The following SLC15A5 variants were observed in gnomAD, a reference collection of about 807,000 sequenced individuals.
The protein encoded by SLC15A5 is solute carrier family 15 member 5.
Under a neutral mutation model 56.1 loss-of-function variants are expected in SLC15A5, and 58 were observed. The observed-to-expected ratio is 1.03, with a 90% CI of 0.84 to 1.29. The LOEUF (loss-of-function observed/expected upper bound fraction) is 1.29, where lower values mean the gene tolerates loss of function less well. Ranked by LOEUF, SLC15A5 falls within the 50% of genes most tolerant of loss-of-function variation. The pLI is 0.00. For synonymous variants in SLC15A5, 264 were observed against 250.5 expected, an observed-to-expected ratio of 1.05 and a Z score of -0.51; for missense variants, 681 against 672.1, an observed-to-expected ratio of 1.01 and a Z score of -0.15.
intron 3 of SLC15A5, among the ~76,000 whole-genome samples, chr12:16,256,641 C>T (rs1426528162): frequency 1.3e-5 from 2 of 152,086 alleles, no homozygotes; most frequent in African/African-American, 4.8e-5. Context: ...GGACAGATCA[C>T]GAGGTCAGGA....
intron 3 of SLC15A5, among the ~76,000 whole-genome samples, chr12:16,257,478 T>G (rs2136807237): frequency 6.6e-6 from 1 of 152,292 alleles, no homozygotes; most frequent in Admixed American, 6.5e-5. Flanking sequence ...ACCTCTCAAC[T>G]TTTCATTGGG....
At chr12:16,248,084 C>A (rs1418033828) in intron 3 of SLC15A5, among the ~76,000 whole-genome samples, 1 of 151,916 alleles carries the variant, frequency 6.6e-6, no homozygotes, top group African/African-American at 2.4e-5. Context: ...CTACTTTTTT[C>A]CCCCTTAAAC....
At chr12:16,201,750 CT>C (rs1464332845) in intron 7 of SLC15A5, among the ~76,000 whole-genome samples, 3 of 152,260 alleles carry the variant, frequency 2.0e-5, no homozygotes, top group East Asian at 3.9e-4. Context: ...TTCCTGAGGC[CT>C]CCCCAGCCAT....
At chr12:16,238,586 C>T (rs1031727769) in intron 5 of SLC15A5, among the ~76,000 whole-genome samples, 4 of 147,040 alleles carry the variant, frequency 2.7e-5, no homozygotes, top group South Asian at 2.2e-4. Context: ...GCCGAGATAG[C>T]GCCACTGCAC....
At chr12:16,249,503 A>G (rs1347970463) in intron 3 of SLC15A5, among the ~76,000 whole-genome samples, 1 of 152,106 alleles carries the variant, frequency 6.6e-6, no homozygotes, top group Non-Finnish European at 1.5e-5. Flanking sequence ...GTGTAAAGTC[A>G]GCCACTTGAG....
intron 7 of SLC15A5, among the ~76,000 whole-genome samples, chr12:16,214,470 C>G (rs911063039): frequency 2.0e-5 from 3 of 152,186 alleles, no homozygotes; most frequent in African/African-American, 7.2e-5. Flanking sequence ...AGACCAACCA[C>G]ATGATCAGAC....
intron 6 of SLC15A5, among the ~76,000 whole-genome samples, chr12:16,218,866 G>GT (rs1245558104): frequency 1.3e-5 from 2 of 152,026 alleles, no homozygotes; most frequent in Non-Finnish European, 2.9e-5. Context: ...TTGTTTGTTT[G>GT]TTTTTAATAC....
chr12:16,268,378 A>G (rs1294829443), intron 2 of SLC15A5, among the ~76,000 whole-genome samples: 1 of 152,192 alleles, frequency 6.6e-6, no homozygotes, highest in Non-Finnish European at 1.5e-5. Flanking sequence ...GTGAGAGGGT[A>G]GCATTTGTTA....
intron 5 of SLC15A5, among the ~76,000 whole-genome samples, chr12:16,230,448 C>T (rs1864284765): frequency 6.6e-6 from 1 of 151,970 alleles, no homozygotes; most frequent in African/African-American, 2.4e-5. Flanking sequence ...CTGAACCATC[C>T]CAGACAATAG....
intron 7 of SLC15A5, among the ~76,000 whole-genome samples, chr12:16,215,503 C>G (rs1864123657): frequency 6.6e-6 from 1 of 152,262 alleles, no homozygotes; most frequent in Non-Finnish European, 1.5e-5. Flanking sequence ...ATAGGTAAGA[C>G]TTCTCAAGGT....
Position 16,264,784 on chromosome 12 carries a change from C to T in SLC15A5, c.585-6914G>A, listed in dbSNP as rs556252968. Among the ~76,000 whole-genome samples, 36 of 152,298 alleles carry T rather than the reference C, an allele frequency of 2.4e-4. No individual in the cohort carries two copies. In the East Asian group the frequency reaches 2.7e-3, roughly 11 times the overall value. ...AGTTTCTTTGCACAAGCTCTCTCTT[C>T]GCTTGCTGCCATCTGTGTAAGACAT... On this transcript the variant is annotated intron_variant, in intron 2 of 8. Transcript: ENST00000344941.
At chr12:16,265,195 T>C (rs957419374) in intron 2 of SLC15A5, among the ~76,000 whole-genome samples, 16 of 152,118 alleles carry the variant, frequency 1.1e-4, no homozygotes, top group African/African-American at 3.6e-4. Flanking sequence ...TAGCAAGGTA[T>C]GGAGAAAATC....
chr12:16,261,056 T>A (rs1864638790), intron 2 of SLC15A5, among the ~76,000 whole-genome samples: 1 of 152,220 alleles, frequency 6.6e-6, no homozygotes, highest in African/African-American at 2.4e-5. Flanking sequence ...TCTCTTGTTT[T>A]TTTTTTAAAG....
intron 3 of SLC15A5, among the ~76,000 whole-genome samples, chr12:16,256,945 G>GATAGATAGATAT (rs1452868558): frequency 4.0e-5 from 6 of 150,644 alleles, no homozygotes; most frequent in African/African-American, 1.5e-4. Flanking sequence ...TAGATAGATA[G>GATAGATAGATAT]ATAGATAGTT....
chr12:16,215,448 A>G (rs1864123090), intron 7 of SLC15A5, among the ~76,000 whole-genome samples: 1 of 152,178 alleles, frequency 6.6e-6, no homozygotes, highest in Non-Finnish European at 1.5e-5. Flanking sequence ...GAGTAATGTA[A>G]AGAAAGGAAA....
chr12:16,226,722 C>G (rs555288660), intron 5 of SLC15A5, among the ~76,000 whole-genome samples: 58 of 152,166 alleles, frequency 3.8e-4, no homozygotes, highest in African/African-American at 1.4e-3. Flanking sequence ...TCTTCTCTTC[C>G]TTTTACTTTT....
chr12:16,195,989 C>T (rs1863891376), intron 7 of SLC15A5, among the ~76,000 whole-genome samples: 1 of 151,940 alleles, frequency 6.6e-6, no homozygotes, highest in African/African-American at 2.4e-5. Context: ...CGGTAAAGTG[C>T]AACTTACAAA....
intron 5 of SLC15A5, among the ~76,000 whole-genome samples, chr12:16,231,464 G>A (rs1453426246): frequency 2.0e-5 from 3 of 152,220 alleles, no homozygotes; most frequent in African/African-American, 7.2e-5. Context: ...AGCTGAGTGA[G>A]AGACTGAAGA....
intron 8 of SLC15A5, among the ~76,000 whole-genome samples, chr12:16,192,179 A>T (rs1863844067): frequency 6.6e-6 from 1 of 152,118 alleles, no homozygotes; most frequent in African/African-American, 2.4e-5. Flanking sequence ...GAGTAAGTGC[A>T]GTTGTTTGTG....
Sources: gnomAD v4.1 joint callset for allele counts (sites outside exome capture counted in the v4.1 genomes callset) on GRCh38, gnomAD v4.1.1 for gene constraint, MANE v1.5 for transcripts, NCBI Gene and HGNC (gene_info 2026-07-23, HGNC 2026-07-21) for gene names.